PGM2L1: variants seen among roughly 807,000 people sequenced by gnomAD.
PGM2L1 encodes the protein phosphoglucomutase 2 like 1.
In PGM2L1, 35 loss-of-function variants were observed where a neutral mutation model predicts 73.4. That is an observed-to-expected ratio of 0.48 (90% CI 0.36 to 0.63). PGM2L1 has a LOEUF of 0.63. Among genes scored for constraint, PGM2L1 ranks in the 30% least tolerant of loss-of-function variants. The probability of loss-of-function intolerance (pLI) is 0.00; values close to 1 mark genes in which losing one functional copy is unlikely to be tolerated. For synonymous variants in PGM2L1, 225 were observed against 253.8 expected, an observed-to-expected ratio of 0.89 and a Z score of 1.08; for missense variants, 570 against 742.0, an observed-to-expected ratio of 0.77 and a Z score of 2.69.
chr11:74,381,778 A>T (rs545005152), intron 1 of PGM2L1, among the ~76,000 whole-genome samples: 1 of 151,982 alleles, frequency 6.6e-6, no homozygotes, highest in East Asian at 1.9e-4. Context: ...GTGAAAGATC[A>T]GTAGGAGTTG....
chr11:74,339,788 A>G (rs1862156746), intron 12 of PGM2L1, among the ~76,000 whole-genome samples: 2 of 152,154 alleles, frequency 1.3e-5, no homozygotes, highest in Non-Finnish European at 2.9e-5. Flanking sequence ...TCTCTGAAAG[A>G]GAATATGCTT....
At chr11:74,373,087 G>A (rs1327612334) in intron 2 of PGM2L1, among the ~76,000 whole-genome samples, 2 of 151,992 alleles carry the variant, frequency 1.3e-5, no homozygotes, top group Non-Finnish European at 2.9e-5. Flanking sequence ...AAAGGGCTAG[G>A]GCTTAAGAAT....
At chr11:74,353,010 C>A (rs1862381582) in intron 5 of PGM2L1, among the ~76,000 whole-genome samples, 1 of 152,088 alleles carries the variant, frequency 6.6e-6, no homozygotes, top group Non-Finnish European at 1.5e-5. Flanking sequence ...CATGAGGAAG[C>A]ATGTCTCTTC....
chr11:74,351,480 T>C lies in PGM2L1; in HGVS notation c.652A>G (p.Asn218Asp). The change falls in exon 6 of 14, where the codon AAT becomes GAT. Residue 218 changes from asparagine to aspartate, a missense_variant. Coordinates refer to ENST00000298198, the MANE Select transcript of PGM2L1 (RefSeq NM_173582.6). ...GGGCTGGTATCCACTAAATTATCAT[T>C]CCAGGAACCATTCCAGGGTTCCACA... ...ECVEPWNGSW[N>D]DNLVDTSPLK... 6.2e-7 allele frequency: 1 copy of C among 1,613,954 alleles called. No individual in the cohort carries two copies. Among genetic ancestry groups the C allele is most frequent in the South Asian group, 1.1e-5 (1 of 91,048 alleles).
chr11:74,372,415 T>C (rs1862780521), intron 2 of PGM2L1, among the ~76,000 whole-genome samples: 1 of 152,112 alleles, frequency 6.6e-6, no homozygotes, highest in Admixed American at 6.5e-5. Flanking sequence ...GACAAAATAA[T>C]GAAAAAGTAT....
At position 74,398,031 on chromosome 11, in the gene PGM2L1, C is replaced by A; in HGVS notation, c.111+20G>T. 1.3e-6 allele frequency: 2 copies of A among 1,584,506 alleles called. No homozygotes were observed. Among genetic ancestry groups the A allele is most frequent in the Non-Finnish European group, 1.7e-6 (2 of 1,164,410 alleles). On this transcript the variant is annotated intron_variant, in intron 1 of 13. Transcript: ENST00000298198. ...GTGTGGGGGAGGCGACGGCGTTTGC[C>A]GGGCTGACCAGGTACCCACCTTATC...
intron 8 of PGM2L1, among the ~76,000 whole-genome samples, chr11:74,346,132 C>T (rs917666983): frequency 2.6e-5 from 4 of 151,706 alleles, no homozygotes; most frequent in Non-Finnish European, 5.9e-5. Flanking sequence ...GGCATGGTGG[C>T]ACATGCCTGT....
intron 5 of PGM2L1, among the ~76,000 whole-genome samples, chr11:74,359,259 AT>A (rs1391847276): frequency 6.6e-6 from 1 of 151,842 alleles, no homozygotes; most frequent in Non-Finnish European, 1.5e-5. Context: ...CACAATAAAC[AT>A]TCTTCTACAT....
intron 1 of PGM2L1, among the ~76,000 whole-genome samples, chr11:74,386,515 A>AC (rs891773053): frequency 1.3e-5 from 2 of 151,236 alleles, no homozygotes; most frequent in African/African-American, 4.9e-5. Flanking sequence ...CCACTCTGTC[A>AC]CCCAGGCTGG....
chr11:74,360,762 C>A (rs111235140), intron 5 of PGM2L1, among the ~76,000 whole-genome samples: 5,944 of 152,306 alleles, frequency 0.039, 123 homozygotes, highest in Middle Eastern at 0.095. Context: ...TATCCCGAGC[C>A]TGGCTCGGAG....
intron 1 of PGM2L1, among the ~76,000 whole-genome samples, chr11:74,383,824 A>AATAAATATATATAT (rs61026077): frequency 0.051 from 6,209 of 121,708 alleles, 257 homozygotes; most frequent in African/African-American, 0.1. Context: ...TATATAAATA[A>AATAAATATATATAT]ATATATATAT....
intron 12 of PGM2L1, among the ~76,000 whole-genome samples, chr11:74,340,655 G>T (rs1188415974): frequency 6.6e-6 from 1 of 152,174 alleles, no homozygotes; most frequent in Non-Finnish European, 1.5e-5. Flanking sequence ...TTAAGTATTT[G>T]TTGAGCAGCC....
At chr11:74,346,158 G>A (rs1325446781) in intron 8 of PGM2L1, among the ~76,000 whole-genome samples, 1 of 151,024 alleles carries the variant, frequency 6.6e-6, no homozygotes, top group African/African-American at 2.4e-5. Flanking sequence ...CAGCTACTTA[G>A]GAGGCTGAGG....
intron 12 of PGM2L1, among the ~76,000 whole-genome samples, chr11:74,339,479 C>T (rs961570698): frequency 6.6e-6 from 1 of 152,152 alleles, no homozygotes; most frequent in Non-Finnish European, 1.5e-5. Context: ...GTCCTTGAGA[C>T]CCTTCTCTTG....
At chr11:74,353,112 C>T (rs1010984467) in intron 5 of PGM2L1, among the ~76,000 whole-genome samples, 3 of 152,048 alleles carry the variant, frequency 2.0e-5, no homozygotes, top group African/African-American at 7.3e-5. Flanking sequence ...ACAGAAACTG[C>T]CCCCAGTCAG....
At chr11:74,346,446 C>T (rs1484562574) in intron 8 of PGM2L1, among the ~76,000 whole-genome samples, 2 of 152,004 alleles carry the variant, frequency 1.3e-5, no homozygotes, top group East Asian at 3.9e-4. Context: ...AACCATTACA[C>T]TGTAAGCAGT....
chr11:74,365,687 G>A lies in PGM2L1; in HGVS notation c.555+2805C>T, dbSNP rs1862644379. On this transcript the variant is annotated intron_variant, in intron 5 of 13. Transcript: ENST00000298198. ...ATACCATCTCACACCAGTTAGAATGGCGATCATTAAAAAGTCAGGAAACAA... is the reference window on the plus strand; with the variant it reads ...ATACCATCTCACACCAGTTAGAATGACGATCATTAAAAAGTCAGGAAACAA... Among the ~76,000 whole-genome samples, 4 of 152,268 alleles carry A rather than the reference G, an allele frequency of 2.6e-5. 1 individual carries two copies. The South Asian group carries it at 8.3e-4, about 32-fold the overall frequency.
At chr11:74,346,406 G>T (rs556103396) in intron 8 of PGM2L1, among the ~76,000 whole-genome samples, 1 of 151,878 alleles carries the variant, frequency 6.6e-6, no homozygotes, top group East Asian at 1.9e-4. Flanking sequence ...AAAGTCAGGG[G>T]AAAATGCTTA....
At chr11:74,341,995 AT>A (rs1262195061) in intron 12 of PGM2L1, among the ~76,000 whole-genome samples, 1 of 152,098 alleles carries the variant, frequency 6.6e-6, no homozygotes, top group Admixed American at 6.6e-5. Flanking sequence ...CTAATGTATT[AT>A]AATTAGCATA....
Sources: gnomAD v4.1 joint callset for allele counts (sites outside exome capture counted in the v4.1 genomes callset) on GRCh38, gnomAD v4.1.1 for gene constraint, MANE v1.5 for transcripts, NCBI Gene and HGNC (gene_info 2026-07-23, HGNC 2026-07-21) for gene names.